EGLN2: variants seen among roughly 807,000 people sequenced by gnomAD.
EGLN2 encodes the protein prolyl hydroxylase EGLN2.
A neutral mutation model predicts 38.2 loss-of-function variants in EGLN2; 15 were observed. The observed-to-expected ratio is 0.39, with a 90% CI of 0.26 to 0.60. EGLN2 has a LOEUF of 0.60. EGLN2 is among the 20% of genes least tolerant of loss of function. EGLN2 has a pLI of 0.50. For synonymous variants in EGLN2, 284 were observed against 237.4 expected (o/e 1.20, Z -1.81); for missense variants, 492 against 570.4 (o/e 0.86, Z 1.40).
At chr19:40,800,232 A>G (rs770718850) in intron 1 of EGLN2, 107 bp from the exon 2 acceptor site, 2 of 272,642 alleles carry the variant, frequency 7.3e-6, no homozygotes, top group Non-Finnish European at 1.4e-5. Flanking sequence ...TCTATAGTCA[A>G]GTCTGTCCTG....
intron 5 of EGLN2, 72 bp from the exon 6 acceptor site, chr19:40,807,737 A>C: frequency 6.4e-7 from 1 of 1,553,518 alleles, no homozygotes; most frequent in Non-Finnish European, 8.9e-7. Flanking sequence ...TCCTCTCCCC[A>C]TCTCCCCAGG....
chr19:40,806,497 C>G (rs1599762878), intron 2 of EGLN2, 58 bp from the exon 3 acceptor site: 1 of 1,603,640 alleles, frequency 6.2e-7, no homozygotes. Flanking sequence ...TTCATGGCTG[C>G]TTCTCTAAGA....
chr19:40,805,330 T>C (rs2083293569), intron 2 of EGLN2: 1 of 152,244 alleles, frequency 6.6e-6, no homozygotes, highest in Non-Finnish European at 1.5e-5. Context: ...GCAGTGACTT[T>C]GGGCAGAGGG....
chr19:40,807,073 G>T, intron 3 of EGLN2, 65 bp from the exon 4 acceptor site: 1 of 1,599,118 alleles, frequency 6.3e-7, no homozygotes, highest in Admixed American at 1.7e-5. Context: ...TGGGCTCCCG[G>T]GGCACCGTGG....
chr19:40,805,537 T>C (rs1236742884), intron 2 of EGLN2: 1 of 152,272 alleles, frequency 6.6e-6, no homozygotes, highest in Non-Finnish European at 1.5e-5. Flanking sequence ...ACCTGCCTGA[T>C]GCCACAGCTC....
In EGLN2 at chr19:40,806,595, T is replaced by TTAC; in HGVS notation, c.884_885insTAC (p.Val295_Arg296insThr). 6.2e-7 allele frequency: 1 copy of TTAC among 1,613,990 alleles called. No homozygotes were observed. The highest frequency in any genetic ancestry group is 8.5e-7 in the Non-Finnish European group (1 of 1,179,922). On this transcript the variant is annotated inframe_insertion, in exon 3 of 6. Coordinates refer to ENST00000303961, the MANE Select transcript of EGLN2 (RefSeq NM_080732.4). ...TACCCAGGCAACGGGCTCGGGTACGTAAGGCACGTTGACAATCCCCACGGC... is the reference window on the plus strand; with the variant it reads ...TACCCAGGCAACGGGCTCGGGTACGTTACAAGGCACGTTGACAATCCCCACGGC...
chr19:40,806,973 C>T (rs964522894), intron 3 of EGLN2, 165 bp from the exon 4 acceptor site: 26 of 1,145,952 alleles, frequency 2.3e-5, no homozygotes, highest in African/African-American at 2.2e-4. Context: ...TCCTGCCCAT[C>T]TCCATGGTGA....
intron 3 of EGLN2, 94 bp from the exon 4 acceptor site, chr19:40,807,044 C>A: frequency 6.4e-7 from 1 of 1,565,714 alleles, no homozygotes. Flanking sequence ...GTGATGCAGG[C>A]AGACGCTGCG....
rs1011397487 is a variant in EGLN2 at position 40,808,039 on chromosome 19, G to C, written c.*175G>C. The C allele has an allele frequency of 1.6e-4, 106 of 664,408 alleles. No homozygotes were observed. The African/African-American group carries it at 1.8e-3, about 11-fold the overall frequency. 41.2% of individuals were successfully genotyped at this position (664,408 alleles called of 1,614,324 possible). On this transcript the variant is annotated 3_prime_UTR_variant, in exon 6 of 6. Transcript: ENST00000303961. ...CCAAGGAGGAGAAGAGACCTTTGCTGCCCCATCATGGGGGCTGGGGTTGTC... is the reference window on the plus strand; with the variant it reads ...CCAAGGAGGAGAAGAGACCTTTGCTCCCCCATCATGGGGGCTGGGGTTGTC...
rs1450894488 is a variant in EGLN2, at chr19:40,807,889, A to G, written c.*25A>G. ...GTGGCCAGTCCCAGAGCCGCATGGC[A>G]GACAGCTTAAATGACTTCAGGAGAG... is the stretch of plus-strand genomic sequence containing the variant. On this transcript the variant is annotated 3_prime_UTR_variant, in exon 6 of 6. Coordinates refer to ENST00000303961, the MANE Select transcript of EGLN2 (RefSeq NM_080732.4). The G allele has an allele frequency of 1.2e-5, 20 of 1,612,400 alleles. No individual in the cohort carries two copies. The highest frequency in any genetic ancestry group is 1.7e-5 in the Non-Finnish European group (20 of 1,178,726).
chr19:40,808,113 G>C lies in EGLN2; in HGVS notation c.*249G>C, dbSNP rs2083319480. On this transcript the variant is annotated 3_prime_UTR_variant, in exon 6 of 6. Coordinates refer to ENST00000303961, the MANE Select transcript of EGLN2 (RefSeq NM_080732.4). ...AGGCCACCGTTACCAACTGAAGCTGGGGGCCTGGGTCCTACCCTGTCTGGT... is the reference window on the plus strand; with the variant it reads ...AGGCCACCGTTACCAACTGAAGCTGCGGGCCTGGGTCCTACCCTGTCTGGT... 1.7e-6 allele frequency: 1 copy of C among 588,592 alleles called. No individual in the cohort carries two copies. Among genetic ancestry groups the C allele is most frequent in the Non-Finnish European group, 3.0e-6 (1 of 330,028 alleles). The allele number at this position is 588,592 out of a possible 1,614,324, so 36.5% of individuals were successfully genotyped here.
In EGLN2 at chr19:40,801,248, A is replaced by G; in HGVS notation, c.676A>G (p.Ser226Gly). 1 of 1,612,836 alleles carries G rather than the reference A, an allele frequency of 6.2e-7. No homozygotes were observed. The highest frequency in any genetic ancestry group is 1.1e-5 in the South Asian group (1 of 91,082). Residue 226 changes from serine (S) to glycine (G), a missense_variant, in exon 2 of 6, where the codon AGC becomes GGC. Physicochemically the swap from Ser to Gly is moderately conservative, Grantham distance 56. Transcript: ENST00000303961. ...GGRLRDGQLV[S>G]QRAIPPRSIR... Reference sequence around the variant, plus strand: ...GCGCCTGCGAGACGGGCAGCTAGTGAGCCAGAGGGCGATCCCGCCGCGCAG... The same window carrying G: ...GCGCCTGCGAGACGGGCAGCTAGTGGGCCAGAGGGCGATCCCGCCGCGCAG...
Position 40,801,121 on chromosome 19 carries a change from G to T in EGLN2, c.549G>T (p.Val183=). ...APERLALDYI[V]PCMRYYGICV... Reference sequence around the variant, plus strand: ...AGCGCCTGGCCCTGGACTATATCGTGCCCTGCATGCGGTACTACGGCATCT... The same window carrying T: ...AGCGCCTGGCCCTGGACTATATCGTTCCCTGCATGCGGTACTACGGCATCT... Residue 183 remains valine (V), a synonymous_variant, in exon 2 of 6, where the codon GTG becomes GTT. Coordinates refer to ENST00000303961, the MANE Select transcript of EGLN2 (RefSeq NM_080732.4). The T allele has an allele frequency of 2.5e-6, 4 of 1,612,798 alleles. No homozygotes were observed. The highest frequency in any genetic ancestry group is 1.6e-4 in the Middle Eastern group (1 of 6,062).
intron 2 of EGLN2, chr19:40,803,306 T>C (rs2644916): frequency 0.78 from 118,283 of 152,262 alleles, 46,155 homozygotes; most frequent in African/African-American, 0.82. Context: ...TGGTGCCCAC[T>C]TTCTATGTGG....
At chr19:40,806,495 T>G (rs919472504) in intron 2 of EGLN2, 60 bp from the exon 3 acceptor site, 2 of 1,603,380 alleles carry the variant, frequency 1.2e-6, no homozygotes, top group African/African-American at 2.7e-5. Context: ...AATTCATGGC[T>G]GCTTCTCTAA....
At chr19:40,806,475 G>A (rs963901704) in intron 2 of EGLN2, 80 bp from the exon 3 acceptor site, 2 of 1,590,002 alleles carry the variant, frequency 1.3e-6, no homozygotes, top group African/African-American at 1.3e-5. Flanking sequence ...GGAGGGGTGG[G>A]AAAATAGGTA....
Position 40,800,403 on chromosome 19 carries a change from C to G in EGLN2, c.-170C>G. ...AGAGGACTTGGGGACCAGCAAGCAA[C>G]CCCCAGGGCACGAGAAGAGCTCTTG... On this transcript the variant is annotated 5_prime_UTR_variant, in exon 2 of 6. Coordinates refer to ENST00000303961, the MANE Select transcript of EGLN2 (RefSeq NM_080732.4). 1.1e-5 allele frequency: 12 copies of G among 1,050,470 alleles called. No homozygotes were observed. The highest frequency in any genetic ancestry group is 1.6e-5 in the Non-Finnish European group (12 of 752,312). The allele number at this position is 1,050,470 out of a possible 1,614,324, so 65.1% of individuals were successfully genotyped here.
At position 40,802,981 on chromosome 19, in the gene EGLN2, C is replaced by T. The variant is rs1306375193; in HGVS notation, c.843+1566C>T. On this transcript the variant is annotated intron_variant, in intron 2 of 5. Transcript: ENST00000303961. ...CTCCCCCGGGGCCAAGGCCTGTTTC[C>T]TCCCCACCCCAGCTGGAACTTGTTC... Among the ~76,000 whole-genome samples the T allele has an allele frequency of 3.9e-5, 6 of 152,266 alleles. No individual in the cohort carries two copies. The South Asian group carries it at 8.3e-4, about 21-fold the overall frequency.
chr19:40,803,831 T>C (rs1347170992), intron 2 of EGLN2, among the ~76,000 whole-genome samples: 1 of 151,898 alleles, frequency 6.6e-6, no homozygotes, highest in Admixed American at 6.5e-5. Context: ...GGGGTGTGTG[T>C]GTAGTGGGGG....
Sources: allele counts gnomAD v4.1 joint callset (sites outside exome capture counted in the v4.1 genomes callset), GRCh38; gene constraint gnomAD v4.1.1; transcripts MANE v1.5; gene names NCBI Gene and HGNC (gene_info 2026-07-23, HGNC 2026-07-21).